The following VAMP4 variants were observed in gnomAD, a reference collection of about 807,000 sequenced individuals.
VAMP4 encodes vesicle associated membrane protein 4, also known as vesicle-associated membrane protein 4.
A neutral mutation model predicts 23.5 loss-of-function variants in VAMP4; 19 were observed. That is an observed-to-expected ratio of 0.81 (90% confidence interval 0.56 to 1.19). VAMP4 has a LOEUF of 1.19. VAMP4 is among the 50% of genes most tolerant of loss of function. The pLI, the probability that VAMP4 is intolerant of heterozygous loss-of-function variation, is 0.00. For missense variants in VAMP4, 145 were observed against 168.6 expected (o/e 0.86, Z 0.78); for synonymous variants, 31 against 51.0 (o/e 0.61, Z 1.67).
intron 3 of VAMP4, among the ~76,000 whole-genome samples, chr1:171,723,059 G>A (rs541531978): frequency 6.7e-4 from 102 of 152,240 alleles, no homozygotes; most frequent in African/African-American, 2.2e-3. Flanking sequence ...GAGACATCAC[G>A]TGTCGGCAGG....
chr1:171,738,748 G>A (rs112207979), intron 1 of VAMP4, among the ~76,000 whole-genome samples: 4 of 152,222 alleles, frequency 2.6e-5, no homozygotes, highest in African/African-American at 9.6e-5. Flanking sequence ...AGAGAGTAGA[G>A]GGAGGACGTC....
At chr1:171,716,570 A>G (rs1206105990) in intron 4 of VAMP4, among the ~76,000 whole-genome samples, 11 of 152,238 alleles carry the variant, frequency 7.2e-5, no homozygotes, top group Non-Finnish European at 1.5e-4. Context: ...AGTGATGTCA[A>G]GTATTTTTTG....
intron 6 of VAMP4, among the ~76,000 whole-genome samples, chr1:171,707,362 A>G (rs1203757072): frequency 2.0e-5 from 3 of 152,200 alleles, no homozygotes; most frequent in Admixed American, 1.3e-4. Context: ...GCTGTTAATA[A>G]ACATGACCAC....
At chr1:171,705,962 A>G (rs1313549877) in intron 7 of VAMP4, among the ~76,000 whole-genome samples, 1 of 152,162 alleles carries the variant, frequency 6.6e-6, no homozygotes, top group East Asian at 1.9e-4. Context: ...CTTCCAAAAC[A>G]ATATTACAAA....
At chr1:171,709,572 A>C in intron 6 of VAMP4, 93 bp downstream of exon 6, 1 of 1,137,246 alleles carries the variant, frequency 8.8e-7, no homozygotes, top group Non-Finnish European at 1.3e-6. Context: ...CTGTTCTCAC[A>C]GAGGTTATGC....
chr1:171,714,802 T>A (rs1238965918), intron 4 of VAMP4, among the ~76,000 whole-genome samples: 1 of 152,128 alleles, frequency 6.6e-6, no homozygotes, highest in African/African-American at 2.4e-5. Context: ...ATGCTATTCA[T>A]CAAGGTTATC....
intron 2 of VAMP4, among the ~76,000 whole-genome samples, chr1:171,732,567 T>C (rs533770624): frequency 6.6e-6 from 1 of 151,922 alleles, no homozygotes; most frequent in Admixed American, 6.6e-5. Flanking sequence ...AAAAACATCC[T>C]TCTCATTAAC....
intron 3 of VAMP4, among the ~76,000 whole-genome samples, chr1:171,721,985 C>A (rs1010866987): frequency 6.6e-6 from 1 of 152,168 alleles, no homozygotes; most frequent in Non-Finnish European, 1.5e-5. Context: ...GGAGGCGTCA[C>A]GCTACCTGAC....
Position 171,726,146 on chromosome 1 carries a change from G to C in VAMP4, c.113+2378C>G, listed in dbSNP as rs562210798. 3.9e-4 allele frequency among the ~76,000 whole-genome samples: 60 copies of C among 152,104 alleles called. 1 individual carries two copies. The South Asian group carries it at 0.012, about 32-fold the overall frequency. Reference sequence around the variant, plus strand: ...GGCTCACTGCAACCTCCAACTCCTGGGTTCAAGCGATTCTCCTGCCTCAGT... The same window carrying C: ...GGCTCACTGCAACCTCCAACTCCTGCGTTCAAGCGATTCTCCTGCCTCAGT... On this transcript the variant is annotated intron_variant, in intron 3 of 7. Transcript: ENST00000236192.
rs749037478 is a variant in VAMP4 at position 171,702,211 on chromosome 1, G to A, written c.*2295C>T. The A allele has an allele frequency of 1.2e-4, 18 of 151,910 alleles. No homozygotes were observed. The highest frequency in any genetic ancestry group is 2.2e-4 in the Non-Finnish European group (15 of 67,900). 9.4% of individuals were successfully genotyped at this position (151,910 alleles called of 1,614,324 possible). ...ATATCTCCAAGGTTACCACAATAAAGTCATAACCATGCCAGCCATTTTAAG... is the reference window on the plus strand; with the variant it reads ...ATATCTCCAAGGTTACCACAATAAAATCATAACCATGCCAGCCATTTTAAG... On this transcript the variant is annotated 3_prime_UTR_variant, in exon 8 of 8. Transcript: ENST00000236192.
In VAMP4 at chr1:171,701,744, T is replaced by G. The variant is rs1654460220; in HGVS notation, c.*2762A>C. ...CTTCAGTAATGAACTTTTATCTAAT[T>G]AAGAAATCCCCCAGTTTATAAAATC... On this transcript the variant is annotated 3_prime_UTR_variant, in exon 8 of 8. Transcript: ENST00000236192. 6.6e-6 allele frequency: 1 copy of G among 152,146 alleles called. No homozygotes were observed. The highest frequency in any genetic ancestry group is 6.5e-5 in the Admixed American group (1 of 15,274). The allele number at this position is 152,146 out of a possible 1,614,324, so 9.4% of individuals were successfully genotyped here. A position where few individuals can be genotyped will look rare whatever the true frequency, so the allele number is the denominator to read the frequency against.
intron 4 of VAMP4, among the ~76,000 whole-genome samples, chr1:171,718,780 G>A (rs952881127): frequency 1.3e-5 from 2 of 151,992 alleles, no homozygotes; most frequent in African/African-American, 4.8e-5. Flanking sequence ...TTGACATAAG[G>A]TAATCAAGTC....
Position 171,701,853 on chromosome 1 carries a change from C to T in VAMP4, c.*2653G>A, listed in dbSNP as rs1164941836. On this transcript the variant is annotated 3_prime_UTR_variant, in exon 8 of 8. Transcript: ENST00000236192. ...ACTGAGTTATAATAAGAAGGAGTAACCAATTAATCAGTATTATAACAACAA... is the reference window on the plus strand; with the variant it reads ...ACTGAGTTATAATAAGAAGGAGTAATCAATTAATCAGTATTATAACAACAA... The T allele has an allele frequency of 6.6e-6, 1 of 152,032 alleles. No homozygotes were observed. Among genetic ancestry groups the T allele is most frequent in the African/African-American group, 2.4e-5 (1 of 41,418 alleles). The allele number at this position is 152,032 out of a possible 1,614,324, so 9.4% of individuals were successfully genotyped here.
At chr1:171,707,900 T>C (rs78789523) in intron 6 of VAMP4, among the ~76,000 whole-genome samples, 2,304 of 152,242 alleles carry the variant, frequency 0.015, 57 homozygotes, top group African/African-American at 0.053. Context: ...CATCTTTTTG[T>C]GGATACATGA....
chr1:171,732,273 C>T (rs1193906522), intron 2 of VAMP4, among the ~76,000 whole-genome samples: 1 of 151,032 alleles, frequency 6.6e-6, no homozygotes, highest in East Asian at 1.9e-4. Flanking sequence ...GTAATCCCAG[C>T]ACTTTGGGAG....
chr1:171,706,007 T>C (rs1654637728), intron 7 of VAMP4, among the ~76,000 whole-genome samples: 1 of 151,938 alleles, frequency 6.6e-6, no homozygotes, highest in South Asian at 2.1e-4. Flanking sequence ...TAATAATAAA[T>C]AGAAAATGAG....
intron 2 of VAMP4, among the ~76,000 whole-genome samples, chr1:171,732,125 C>G (rs1405173242): frequency 6.6e-6 from 1 of 152,056 alleles, no homozygotes; most frequent in Non-Finnish European, 1.5e-5. Context: ...TTTTATTTTC[C>G]TTTATGGGTA....
At chr1:171,728,693 GA>G in intron 2 of VAMP4, 123 bp from the exon 3 acceptor site, 3 of 890,672 alleles carry the variant, frequency 3.4e-6, no homozygotes, top group Non-Finnish European at 4.9e-6. Flanking sequence ...CATAAAGAGG[GA>G]AAAGTAATTA....
At chr1:171,726,056 A>G (rs1346525201) in intron 3 of VAMP4, among the ~76,000 whole-genome samples, 1 of 149,738 alleles carries the variant, frequency 6.7e-6, no homozygotes, top group Non-Finnish European at 1.5e-5. Context: ...AAAAAGTCAC[A>G]TTTTTTTTTG....
Sources: gnomAD v4.1 joint callset for allele counts (sites outside exome capture counted in the v4.1 genomes callset) on GRCh38, gnomAD v4.1.1 for gene constraint, MANE v1.5 for transcripts, NCBI Gene and HGNC (gene_info 2026-07-23, HGNC 2026-07-21) for gene names.